Variants in SLC25A25 observed in about 807,000 individuals in gnomAD.
SLC25A25 encodes the protein solute carrier family 25 member 25.
Under a neutral mutation model 57.7 loss-of-function variants are expected in SLC25A25, and 32 were observed. That is an observed-to-expected ratio of 0.55 (90% CI 0.42 to 0.74). The LOEUF (loss-of-function observed/expected upper bound fraction) is 0.74. Ranked by LOEUF, SLC25A25 falls within the 30% of genes least tolerant of loss-of-function variation. The pLI is 0.00. For missense variants in SLC25A25, 556 were observed against 701.3 expected (o/e 0.79, Z 2.34); for synonymous variants, 306 against 291.2 (o/e 1.05, Z -0.52).
chr9:128,079,474 A>C (rs1833092498), intron 1 of SLC25A25, among the ~76,000 whole-genome samples: 1 of 151,456 alleles, frequency 6.6e-6, no homozygotes, highest in African/African-American at 2.4e-5. Context: ...ATAAGAACCA[A>C]CTGGCTGGGC....
Position 128,068,380 on chromosome 9 carries a change from G to A in SLC25A25, c.61G>A (p.Ala21Thr), listed in dbSNP as rs1370311548. The change falls in exon 1 of 11, where the codon GCC (alanine) becomes ACC (threonine). Residue 21 changes from alanine to threonine, a missense_variant. Ala to Thr is a moderately conservative substitution (Grantham distance 58, BLOSUM62 0). This residue lies in a region of SLC25A25 where 248 missense variants were observed against 273.5 expected (regional missense o/e 0.91). Coordinates refer to ENST00000373069, the MANE Select transcript of SLC25A25 (RefSeq NM_001330988.2). ...CCCGCCGCCGGACGCCGCCGCCACC[G>A]CCGCCTCTTCGTCTGCCTCATCGCC... Reference protein sequence around the residue: ...ASPPPDAAATAASSSASSPAS... With the variant: ...ASPPPDAAATTASSSASSPAS... The A allele has an allele frequency of 2.6e-6, 4 of 1,550,156 alleles. No individual in the cohort carries two copies. Among genetic ancestry groups the A allele is most frequent in the Admixed American group, 3.7e-5 (2 of 53,358 alleles).
chr9:128,107,429 C>A lies in SLC25A25; in HGVS notation c.1533C>A (p.Gly511=). 1 of 1,507,078 alleles carries A rather than the reference C, an allele frequency of 6.6e-7. No individual in the cohort carries two copies. The highest frequency in any genetic ancestry group is 8.9e-7 in the Non-Finnish European group (1 of 1,127,000). The allele number at this position is 1,507,078 out of a possible 1,614,324, so 93.4% of individuals were successfully genotyped here. Residue 511 remains glycine (G), a synonymous_variant, in exon 11 of 11, where the codon GGC becomes GGA. Transcript: ENST00000373069. ...VVYENLKITL[G]VQSR Reference sequence around the variant, plus strand: ...ACGAGAACCTGAAGATCACCCTGGGCGTGCAGTCGCGGTGACGGGGGGAGG... The same window carrying A: ...ACGAGAACCTGAAGATCACCCTGGGAGTGCAGTCGCGGTGACGGGGGGAGG...
intron 1 of SLC25A25, among the ~76,000 whole-genome samples, chr9:128,093,256 C>G (rs1465071306): frequency 6.6e-6 from 1 of 152,154 alleles, no homozygotes; most frequent in Non-Finnish European, 1.5e-5. Context: ...CCTGAGATGT[C>G]TTTGCTTAAT....
At chr9:128,100,027 G>C (rs1009329226) in intron 1 of SLC25A25, among the ~76,000 whole-genome samples, 2 of 152,108 alleles carry the variant, frequency 1.3e-5, no homozygotes, top group African/African-American at 4.8e-5. Context: ...TGAGGGTGGC[G>C]GCAGGATGTG....
chr9:128,098,551 C>G lies in SLC25A25; in HGVS notation c.262-2545C>G, dbSNP rs374851612. The G allele has an allele frequency of 1.4e-5, 23 of 1,606,588 alleles. 1 individual carries two copies. In the African/African-American group the frequency reaches 2.4e-4, roughly 17 times the overall value. ...CCCGGTGGTGAGGGCAGTGGAGCAC[C>G]CAGCAGGCCGCCAACATGCTCTGTC... On this transcript the variant is annotated intron_variant, in intron 1 of 10. Transcript: ENST00000373069.
Position 128,107,132 on chromosome 9 carries a change from T to C in SLC25A25, c.1316T>C (p.Leu439Pro), listed in dbSNP as rs991343059. The C allele has an allele frequency of 2.5e-6, 4 of 1,613,904 alleles. No homozygotes were observed. Among genetic ancestry groups the C allele is most frequent in the South Asian group, 1.1e-5 (1 of 91,096 alleles). Residue 439 changes from leucine to proline, a missense_variant, in exon 10 of 11, where the codon CTG (leucine) becomes CCG (proline). By Grantham distance (98) the Leu-to-Pro change is moderately conservative. Transcript: ENST00000373069. ...ACCATGTCCAGTACCTGTGGCCAGC[T>C]GGCCAGCTACCCCCTGGCCCTAGTC... Reference protein sequence around the residue: ...CGTMSSTCGQLASYPLALVRT... With the variant: ...CGTMSSTCGQPASYPLALVRT...
intron 1 of SLC25A25, among the ~76,000 whole-genome samples, chr9:128,086,061 T>A (rs1833266338): frequency 6.6e-6 from 1 of 152,132 alleles, no homozygotes; most frequent in African/African-American, 2.4e-5. Context: ...ACTTGTTTTA[T>A]GGGTGGAATA....
chr9:128,094,277 C>T (rs1477929482), intron 1 of SLC25A25: 1 of 152,208 alleles, frequency 6.6e-6, no homozygotes, highest in Non-Finnish European at 1.5e-5. Flanking sequence ...AGCTTTTATT[C>T]TAGGAACTGT....
At position 128,101,029 on chromosome 9, in the gene SLC25A25, G is replaced by T; in HGVS notation, c.262-67G>T. ...AGTGAAGTCATTGCCTGGGGATGGG[G>T]CCCCACAAGGGACAAGGAAAGGCTG... is the stretch of plus-strand genomic sequence containing the variant. On this transcript the variant is annotated intron_variant, in intron 1 of 10. Coordinates refer to ENST00000373069, the MANE Select transcript of SLC25A25 (RefSeq NM_001330988.2). The surrounding 1 kb of genome is among the most constrained non-coding windows in gnomAD (Gnocchi z 4.9). The T allele has an allele frequency of 6.2e-7, 1 of 1,602,816 alleles. No homozygotes were observed. The highest frequency in any genetic ancestry group is 8.5e-7 in the Non-Finnish European group (1 of 1,174,692).
Position 128,103,817 on chromosome 9 carries a change from A to C in SLC25A25, c.761A>C (p.Asp254Ala). ...TCCAGAACCTGCACGGCCCCCCTGG[A>C]CAGGCTCAAGGTGCTCATGCAGGTA... ...AVSRTCTAPLDRLKVLMQVHA... is the reference protein window; with the variant it reads ...AVSRTCTAPLARLKVLMQVHA... The change falls in exon 6 of 11, where the codon GAC (aspartate) becomes GCC (alanine). Residue 254 changes from aspartate (D) to alanine (A), a missense_variant. This residue lies in a region of SLC25A25 where 294 missense variants were observed against 389.6 expected (regional missense o/e 0.75). Transcript: ENST00000373069. The surrounding 1 kb of genome is among the most constrained non-coding windows in gnomAD (Gnocchi z 6.7). 1 of 1,609,130 alleles carries C rather than the reference A, an allele frequency of 6.2e-7. No individual in the cohort carries two copies. Among genetic ancestry groups the C allele is most frequent in the South Asian group, 1.1e-5 (1 of 90,406 alleles).
At chr9:128,097,234 C>T (rs1347957607) in intron 1 of SLC25A25, among the ~76,000 whole-genome samples, 1 of 152,182 alleles carries the variant, frequency 6.6e-6, no homozygotes, top group Non-Finnish European at 1.5e-5. Flanking sequence ...GACGTGGTCT[C>T]TTCCTCCGCA....
At chr9:128,098,564 A>T in intron 1 of SLC25A25, 1 of 1,611,008 alleles carries the variant, frequency 6.2e-7, no homozygotes, top group South Asian at 1.1e-5. Context: ...GCAGGCCGCC[A>T]ACATGCTCTG....
chr9:128,075,342 C>T (rs1238183168), intron 1 of SLC25A25, among the ~76,000 whole-genome samples: 3 of 151,874 alleles, frequency 2.0e-5, no homozygotes, highest in African/African-American at 7.3e-5. Context: ...AGAGCACGAG[C>T]CTGTCTGATC....
Position 128,095,889 on chromosome 9 carries a change from T to C in SLC25A25, c.262-5207T>C, listed in dbSNP as rs1833543733. ...ATTTTCAAATCTCAGATTTCTTTTG[T>C]TAAATACATTATAAAACTCAATGGT... On this transcript the variant is annotated intron_variant, in intron 1 of 10. Transcript: ENST00000373069. This position sits in a 1 kb window ranked among gnomAD's most constrained non-coding sequence, Gnocchi z 4.4. Among the ~76,000 whole-genome samples the C allele has an allele frequency of 6.6e-6, 1 of 152,212 alleles. No homozygotes were observed. The highest frequency in any genetic ancestry group is 1.5e-5 in the Non-Finnish European group (1 of 68,034).
At chr9:128,078,706 C>G (rs1034084392) in intron 1 of SLC25A25, among the ~76,000 whole-genome samples, 1 of 152,184 alleles carries the variant, frequency 6.6e-6, no homozygotes, top group African/African-American at 2.4e-5. Context: ...GTGGAGCTTA[C>G]TTCAAAGCTT....
In SLC25A25 at chr9:128,106,231, G is replaced by A. The variant is rs751749247; in HGVS notation, c.1018G>A (p.Ala340Thr). ...LVAGSLAGAIAQSSIYPMEVL... is the reference protein window; with the variant it reads ...LVAGSLAGAITQSSIYPMEVL... ...GGCAGGGTCCTTGGCAGGGGCCATCGCCCAGAGCAGCATCTACCCAATGGA... is the reference window on the plus strand; with the variant it reads ...GGCAGGGTCCTTGGCAGGGGCCATCACCCAGAGCAGCATCTACCCAATGGA... Residue 340 changes from alanine to threonine, a missense_variant, in exon 8 of 11, where the codon GCC (alanine) becomes ACC (threonine). Transcript: ENST00000373069. 8 of 1,614,118 alleles carry A rather than the reference G, an allele frequency of 5.0e-6. No homozygotes were observed. The highest frequency in any genetic ancestry group is 2.2e-5 in the South Asian group (2 of 91,084).
chr9:128,094,686 C>T (rs1163051112), intron 1 of SLC25A25, among the ~76,000 whole-genome samples: 2 of 152,222 alleles, frequency 1.3e-5, no homozygotes, highest in African/African-American at 4.8e-5. Flanking sequence ...CCCAGAGGCA[C>T]TGTACCTGCC....
At position 128,107,083 on chromosome 9, in the gene SLC25A25, G is replaced by A. The variant is rs747954096; in HGVS notation, c.1267G>A (p.Val423Met). ...HYAVNSADPG[V>M]FVLLACGTMS... ...TGCAGTGAACAGCGCGGACCCCGGC[G>A]TGTTTGTGCTCCTGGCCTGTGGCAC... The change falls in exon 10 of 11, where the codon GTG becomes ATG. Residue 423 changes from valine to methionine, a missense_variant. Physicochemically the swap from Val to Met is conservative, Grantham distance 21. Transcript: ENST00000373069. 19 of 1,614,016 alleles carry A rather than the reference G, an allele frequency of 1.2e-5. No individual in the cohort carries two copies. The South Asian group carries it at 1.2e-4, about 10-fold the overall frequency.
intron 1 of SLC25A25, among the ~76,000 whole-genome samples, chr9:128,092,290 G>A (rs923288003): frequency 1.3e-5 from 2 of 152,180 alleles, no homozygotes; most frequent in African/African-American, 2.4e-5. Context: ...TACCCACTGC[G>A]AGCACCCCAG....
Sources: allele counts gnomAD v4.1 joint callset (sites outside exome capture counted in the v4.1 genomes callset), GRCh38; gene constraint gnomAD v4.1.1; regional missense constraint gnomAD v4.1.1; non-coding constraint Gnocchi (gnomAD v3.1); transcripts MANE v1.5; gene names NCBI Gene and HGNC (gene_info 2026-07-23, HGNC 2026-07-21).